The following SLC2A13 variants were observed in gnomAD, a reference collection of about 807,000 sequenced individuals.
The protein encoded by SLC2A13 is solute carrier family 2 member 13, also known as proton myo-inositol cotransporter.
In SLC2A13, 32 loss-of-function variants were observed where a neutral mutation model predicts 64.4. The ratio of observed to expected loss-of-function variants is 0.50; its 90% confidence interval spans 0.37 to 0.67. The LOEUF is 0.67. Ranked by LOEUF, SLC2A13 falls within the 30% of genes least tolerant of loss-of-function variation. The probability of loss-of-function intolerance (pLI) is 0.00; values close to 1 mark genes in which losing one functional copy is unlikely to be tolerated. For missense variants in SLC2A13, 743 were observed against 829.2 expected, an observed-to-expected ratio of 0.90 and a Z score of 1.28; for synonymous variants, 338 against 327.1, an observed-to-expected ratio of 1.03 and a Z score of -0.36.
chr12:39,968,939 C>T (rs1565567459), intron 3 of SLC2A13, among the ~76,000 whole-genome samples: 1 of 151,848 alleles, frequency 6.6e-6, no homozygotes, highest in African/African-American at 2.4e-5. Flanking sequence ...CTAATGCTTT[C>T]CCTCCCTCCT....
At chr12:40,031,983 T>C (rs1947913097) in intron 2 of SLC2A13, among the ~76,000 whole-genome samples, 1 of 152,176 alleles carries the variant, frequency 6.6e-6, no homozygotes, top group South Asian at 2.1e-4. Context: ...TAGTCTCCTA[T>C]TGATACAAGA....
At chr12:40,009,819 A>C (rs1161180476) in intron 3 of SLC2A13, among the ~76,000 whole-genome samples, 1 of 152,230 alleles carries the variant, frequency 6.6e-6, no homozygotes, top group East Asian at 1.9e-4. Context: ...AAAACAAAAT[A>C]ATACTAAGTC....
chr12:39,837,986 A>C (rs1416169050), intron 6 of SLC2A13, among the ~76,000 whole-genome samples: 1 of 151,276 alleles, frequency 6.6e-6, no homozygotes, highest in Non-Finnish European at 1.5e-5. Flanking sequence ...CCATCCCATT[A>C]CTGGGTATAT....
chr12:39,943,392 G>A (rs974144532), intron 4 of SLC2A13, among the ~76,000 whole-genome samples: 6 of 152,190 alleles, frequency 3.9e-5, no homozygotes, highest in African/African-American at 9.7e-5. Flanking sequence ...CCAGGAAGAC[G>A]GGAGTTTGAT....
chr12:39,863,899 T>G (rs1313930039), intron 6 of SLC2A13, among the ~76,000 whole-genome samples: 1 of 152,200 alleles, frequency 6.6e-6, no homozygotes, highest in East Asian at 1.9e-4. Context: ...TAATTTCATA[T>G]AGGGTTGTAT....
At chr12:40,025,303 G>A (rs1286545024) in intron 3 of SLC2A13, among the ~76,000 whole-genome samples, 1 of 152,178 alleles carries the variant, frequency 6.6e-6, no homozygotes, top group African/African-American at 2.4e-5. Flanking sequence ...CAAGAAAAAT[G>A]CTCTAGGCAC....
intron 7 of SLC2A13, among the ~76,000 whole-genome samples, chr12:39,812,838 T>TTA (rs1942223294): frequency 7.1e-6 from 1 of 141,660 alleles, no homozygotes; most frequent in Admixed American, 7.0e-5. Flanking sequence ...GTATTACCTT[T>TTA]TTTTTTTTTT....
intron 1 of SLC2A13, among the ~76,000 whole-genome samples, chr12:40,089,970 A>G (rs538536042): frequency 6.6e-6 from 1 of 152,238 alleles, no homozygotes; most frequent in African/African-American, 2.4e-5. Context: ...AACACTGACA[A>G]GGCATCCTAC....
chr12:39,930,525 C>G (rs1234109167), intron 4 of SLC2A13, among the ~76,000 whole-genome samples: 1 of 151,938 alleles, frequency 6.6e-6, no homozygotes, highest in Non-Finnish European at 1.5e-5. Context: ...AAAGTCAGTG[C>G]AGAATTTCAA....
intron 1 of SLC2A13, among the ~76,000 whole-genome samples, chr12:40,052,489 G>A (rs28365683): frequency 0.07 from 10,632 of 152,140 alleles, 689 homozygotes; most frequent in East Asian, 0.38. Context: ...AAACAGTTGT[G>A]AGTGAGAGTC....
chr12:39,890,341 C>CA (rs1944573119), intron 4 of SLC2A13, among the ~76,000 whole-genome samples: 1 of 152,094 alleles, frequency 6.6e-6, no homozygotes, highest in African/African-American at 2.4e-5. Context: ...TACATTGTGG[C>CA]AGCAGAATAT....
intron 6 of SLC2A13, among the ~76,000 whole-genome samples, chr12:39,860,227 G>A (rs536281961): frequency 3.8e-4 from 58 of 152,306 alleles, no homozygotes; most frequent in African/African-American, 1.3e-3. Context: ...TAAGTAAGAT[G>A]TAAGTGTAGG....
chr12:39,794,600 A>T (rs1941515979), intron 7 of SLC2A13, among the ~76,000 whole-genome samples: 1 of 152,196 alleles, frequency 6.6e-6, no homozygotes. Flanking sequence ...CAAAGAAGGC[A>T]AAGGCAGAGC....
chr12:40,028,644 T>C (rs1406079513), intron 2 of SLC2A13, 135 bp from the exon 3 acceptor site: 20 of 771,886 alleles, frequency 2.6e-5, no homozygotes, highest in Non-Finnish European at 4.0e-5. Context: ...CATTTATGTG[T>C]GTGTCTGTCA....
At chr12:39,765,467 C>A (rs1592114458) in intron 7 of SLC2A13, among the ~76,000 whole-genome samples, 2 of 152,126 alleles carry the variant, frequency 1.3e-5, no homozygotes, top group East Asian at 3.9e-4. Context: ...TGAAGTTGAA[C>A]TTCCAGTTCT....
At chr12:39,974,263 A>G (rs940619810) in intron 3 of SLC2A13, among the ~76,000 whole-genome samples, 1 of 152,220 alleles carries the variant, frequency 6.6e-6, no homozygotes, top group African/African-American at 2.4e-5. Context: ...TCGTAAACCA[A>G]AACTCTTCCT....
intron 7 of SLC2A13, among the ~76,000 whole-genome samples, chr12:39,796,129 A>C (rs1941565792): frequency 6.6e-6 from 1 of 152,236 alleles, no homozygotes; most frequent in Admixed American, 6.5e-5. Flanking sequence ...GGAATCATAC[A>C]GTATATCACC....
chr12:39,906,482 C>G (rs1945286251), intron 4 of SLC2A13, among the ~76,000 whole-genome samples: 1 of 152,072 alleles, frequency 6.6e-6, no homozygotes, highest in Non-Finnish European at 1.5e-5. Context: ...CAGCATTTAA[C>G]ACACTTGTCC....
At chr12:39,940,274 C>T (rs1224657532) in intron 4 of SLC2A13, among the ~76,000 whole-genome samples, 2 of 152,152 alleles carry the variant, frequency 1.3e-5, no homozygotes, top group Non-Finnish European at 2.9e-5. Context: ...AAACCCCATT[C>T]CTGGTTCAGA....
Sources: gnomAD v4.1 joint callset for allele counts (sites outside exome capture counted in the v4.1 genomes callset) on GRCh38, gnomAD v4.1.1 for gene constraint, MANE v1.5 for transcripts, NCBI Gene and HGNC (gene_info 2026-07-23, HGNC 2026-07-21) for gene names.